The following RNF220 variants were observed in gnomAD, a reference collection of about 807,000 sequenced individuals.
RNF220 encodes E3 ubiquitin-protein ligase RNF220.
Under a neutral mutation model 67.1 loss-of-function variants are expected in RNF220, and 7 were observed. That is an observed-to-expected ratio of 0.10 (90% CI 0.06 to 0.20). The LOEUF (loss-of-function observed/expected upper bound fraction) is 0.20, where lower values mean the gene tolerates loss of function less well. Among genes scored for constraint, RNF220 ranks in the 10% least tolerant of loss-of-function variants. The pLI, the probability that RNF220 is intolerant of heterozygous loss-of-function variation, is 1.00. For synonymous variants in RNF220, 270 were observed against 283.2 expected, an observed-to-expected ratio of 0.95 and a Z score of 0.47; for missense variants, 565 against 740.3, an observed-to-expected ratio of 0.76 and a Z score of 2.75.
At chr1:44,530,258 A>T (rs1054631507) in intron 2 of RNF220, among the ~76,000 whole-genome samples, 6 of 152,182 alleles carry the variant, frequency 3.9e-5, no homozygotes, top group African/African-American at 1.4e-4. Flanking sequence ...CATCAGCTTT[A>T]TAATTGTGGT....
rs548838081 is a variant in RNF220, at chr1:44,598,038, C to A, written c.626-16127C>A. On this transcript the variant is annotated intron_variant, in intron 2 of 14. Coordinates refer to ENST00000361799, the MANE Select transcript of RNF220 (RefSeq NM_018150.4). ...TTTGGGACATATCCTGAAACCAGCC[C>A]CCTCATGCCCCCTGCCCGCCCCCTC... Among the ~76,000 whole-genome samples the A allele has an allele frequency of 2.0e-4, 30 of 152,058 alleles. 1 individual carries two copies. In the South Asian group the frequency reaches 5.8e-3, roughly 29 times the overall value.
chr1:44,414,050 C>T (rs749141412), intron 2 of RNF220, among the ~76,000 whole-genome samples: 3 of 152,222 alleles, frequency 2.0e-5, no homozygotes, highest in Admixed American at 6.5e-5. Context: ...CTCTGTAAGC[C>T]GGAGACCTCC....
intron 2 of RNF220, among the ~76,000 whole-genome samples, chr1:44,491,670 T>G (rs1272639600): frequency 1.3e-5 from 2 of 152,082 alleles, no homozygotes; most frequent in African/African-American, 2.4e-5. Flanking sequence ...CTCTTTTTTT[T>G]TTTTTACTTT....
chr1:44,630,224 C>T (rs1454868193), intron 5 of RNF220, among the ~76,000 whole-genome samples: 1 of 152,182 alleles, frequency 6.6e-6, no homozygotes, highest in Non-Finnish European at 1.5e-5. Context: ...AGGCATGAGC[C>T]TTGGTTTCTG....
At chr1:44,473,059 C>T (rs1408318923) in intron 2 of RNF220, among the ~76,000 whole-genome samples, 3 of 152,160 alleles carry the variant, frequency 2.0e-5, no homozygotes, top group Admixed American at 6.5e-5. Flanking sequence ...TCCCCACGTC[C>T]TCTGCTTTCC....
At chr1:44,408,131 T>A (rs1647577165) in intron 1 of RNF220, among the ~76,000 whole-genome samples, 1 of 152,198 alleles carries the variant, frequency 6.6e-6, no homozygotes, top group Non-Finnish European at 1.5e-5. Flanking sequence ...CAAGTTTATG[T>A]AGGTTTCGCC....
In RNF220 at chr1:44,624,594, C is replaced by T. The variant is rs1157697444; in HGVS notation, c.805-1703C>T. Among the ~76,000 whole-genome samples, 1 of 152,070 alleles carries T rather than the reference C, an allele frequency of 6.6e-6. No homozygotes were observed. Among genetic ancestry groups the T allele is most frequent in the Admixed American group, 6.6e-5 (1 of 15,266 alleles). On this transcript the variant is annotated intron_variant, in intron 4 of 14. Transcript: ENST00000361799. This position sits in a 1 kb window ranked among gnomAD's most constrained non-coding sequence, Gnocchi z 4.2. ...GTTCAGGGTCTATCCTCTGCCTTGA[C>T]CTAGGCTTTAGGGAAGCAGGTCGTG...
intron 2 of RNF220, among the ~76,000 whole-genome samples, chr1:44,461,728 C>T (rs1233923868): frequency 6.6e-6 from 1 of 152,040 alleles, no homozygotes; most frequent in Non-Finnish European, 1.5e-5. Flanking sequence ...TCCTATGATG[C>T]TCTGCAATGG....
At chr1:44,536,175 T>C (rs1661205531) in intron 2 of RNF220, among the ~76,000 whole-genome samples, 1 of 152,128 alleles carries the variant, frequency 6.6e-6, no homozygotes, top group African/African-American at 2.4e-5. Context: ...AAGTCAGAGC[T>C]TCCCTCCATA....
chr1:44,500,143 A>G (rs922998052), intron 2 of RNF220, among the ~76,000 whole-genome samples: 1 of 152,198 alleles, frequency 6.6e-6, no homozygotes, highest in African/African-American at 2.4e-5. Flanking sequence ...CTGGCTTGCC[A>G]TTCGTTCAAA....
intron 2 of RNF220, among the ~76,000 whole-genome samples, chr1:44,503,677 A>G (rs1658143736): frequency 1.3e-5 from 2 of 152,154 alleles, no homozygotes; most frequent in Admixed American, 6.5e-5. Flanking sequence ...GCCAGATCTG[A>G]GGTGAAGAGA....
At chr1:44,618,140 C>T (rs1643639296) in intron 3 of RNF220, among the ~76,000 whole-genome samples, 1 of 152,204 alleles carries the variant, frequency 6.6e-6, no homozygotes, top group Non-Finnish European at 1.5e-5. Flanking sequence ...CCTCCCTTTG[C>T]CCAACAGCAC....
intron 2 of RNF220, among the ~76,000 whole-genome samples, chr1:44,516,042 A>G (rs915913846): frequency 6.6e-6 from 1 of 152,154 alleles, no homozygotes; most frequent in African/African-American, 2.4e-5. Context: ...CTGCTACACC[A>G]TCTCCTTCTA....
chr1:44,470,532 G>T (rs1033996050), intron 2 of RNF220, among the ~76,000 whole-genome samples: 41 of 152,168 alleles, frequency 2.7e-4, no homozygotes, highest in Admixed American at 2.6e-3. Flanking sequence ...CTATTCTACT[G>T]TCTTCTCGCT....
chr1:44,570,302 C>T (rs1011847281), intron 2 of RNF220, among the ~76,000 whole-genome samples: 2 of 152,168 alleles, frequency 1.3e-5, no homozygotes, highest in Non-Finnish European at 2.9e-5. Flanking sequence ...AAACCCCATC[C>T]AGCGCTGTCC....
intron 2 of RNF220, among the ~76,000 whole-genome samples, chr1:44,522,906 A>G (rs1660053410): frequency 6.6e-6 from 1 of 152,228 alleles, no homozygotes. Flanking sequence ...AGCACTCACA[A>G]AGCCAAAACA....
intron 4 of RNF220, among the ~76,000 whole-genome samples, chr1:44,623,551 C>T (rs1643869493): frequency 1.3e-5 from 2 of 152,190 alleles, no homozygotes; most frequent in Non-Finnish European, 2.9e-5. Context: ...CCCCATTCCT[C>T]GGTAGAAGAC....
chr1:44,511,592 G>A (rs993289178), intron 2 of RNF220, among the ~76,000 whole-genome samples: 2 of 152,198 alleles, frequency 1.3e-5, no homozygotes, highest in Non-Finnish European at 1.5e-5. Flanking sequence ...ATAGAAAGCA[G>A]GTAGGAGAAT....
intron 2 of RNF220, among the ~76,000 whole-genome samples, chr1:44,535,409 G>T (rs561380936): frequency 5.3e-5 from 8 of 152,044 alleles, no homozygotes; most frequent in African/African-American, 1.7e-4. Flanking sequence ...AAAGTGCTGC[G>T]ATTACAGGCA....
Sources: allele counts gnomAD v4.1 joint callset (sites outside exome capture counted in the v4.1 genomes callset), GRCh38; gene constraint gnomAD v4.1.1; non-coding constraint Gnocchi (gnomAD v3.1); transcripts MANE v1.5; gene names NCBI Gene and HGNC (gene_info 2026-07-23, HGNC 2026-07-21).